The following GAK variants were observed in gnomAD, a reference collection of about 807,000 sequenced individuals.
GAK encodes the protein cyclin G associated kinase.
GAK carries 79 observed loss-of-function variants against 143.9 expected under a neutral mutation model. The observed-to-expected ratio is 0.55, with a 90% CI of 0.46 to 0.66. The LOEUF (loss-of-function observed/expected upper bound fraction) is 0.66. GAK is among the 30% of genes least tolerant of loss of function. The pLI is 0.00. For missense variants in GAK, 1,693 were observed against 1,779.7 expected (o/e 0.95, Z 0.88); for synonymous variants, 881 against 765.5 (o/e 1.15, Z -2.49).
chr4:861,374 G>A (rs1750245303), intron 23 of GAK, among the ~76,000 whole-genome samples: 3 of 152,186 alleles, frequency 2.0e-5, no homozygotes, highest in African/African-American at 7.2e-5. Context: ...GAGGGTGCTT[G>A]AGCCCAGGAG....
chr4:864,559 G>A (rs894435222), intron 23 of GAK, among the ~76,000 whole-genome samples: 3 of 152,186 alleles, frequency 2.0e-5, no homozygotes, highest in Non-Finnish European at 2.9e-5. Flanking sequence ...CGGGAGGGCC[G>A]GCTCCAGGGT....
chr4:918,718 C>G (rs948812149), intron 1 of GAK, among the ~76,000 whole-genome samples: 1 of 152,268 alleles, frequency 6.6e-6, no homozygotes, highest in African/African-American at 2.4e-5. Context: ...CTCTCATTTT[C>G]AGATGCCATG....
chr4:930,455 G>A (rs1028742442), intron 1 of GAK, among the ~76,000 whole-genome samples: 6 of 150,564 alleles, frequency 4.0e-5, no homozygotes, highest in Non-Finnish European at 5.9e-5. Flanking sequence ...CTTCCTCTCC[G>A]GGCCCCAGTG....
intron 11 of GAK, chr4:887,623 GC>G (rs1716747948): frequency 1.3e-5 from 2 of 148,740 alleles, no homozygotes; most frequent in Admixed American, 6.6e-5. Context: ...TCGCGCGCAT[GC>G]GTACACATGC....
chr4:891,592 A>C (rs1448932074), intron 9 of GAK, among the ~76,000 whole-genome samples: 1 of 152,020 alleles, frequency 6.6e-6, no homozygotes, highest in African/African-American at 2.4e-5. Flanking sequence ...CTCAGATGAG[A>C]AGCACTGAGG....
intron 12 of GAK, 97 bp downstream of exon 12, chr4:883,940 G>T: frequency 8.2e-7 from 1 of 1,212,940 alleles, no homozygotes; most frequent in Non-Finnish European, 1.2e-6. Context: ...AGAGAAGGCT[G>T]GAGCAGAGGC....
intron 1 of GAK, 56 bp downstream of exon 1, chr4:931,987 G>A (rs1725937350): frequency 1.0e-5 from 13 of 1,268,624 alleles, no homozygotes; most frequent in Non-Finnish European, 1.5e-5. Context: ...GCTGCCCCCA[G>A]CGTCCCGGAG....
At chr4:879,440 G>C (rs756176880) in intron 15 of GAK, among the ~76,000 whole-genome samples, 47 of 152,256 alleles carry the variant, frequency 3.1e-4, no homozygotes, top group Middle Eastern at 3.4e-3. Context: ...CTCTTGACAA[G>C]GTTTATGTTT....
chr4:867,120 G>A lies in GAK; in HGVS notation c.2708C>T (p.Ala903Val), dbSNP rs758405633. ...GAGCAGGTCGGTGTTGCTGGAGGGG[G>A]CCTTGCAGGCCTGCGGGGGTACAGC... Reference protein sequence around the residue: ...GPAVPPQACKAPSSNTDLLSC... With the variant: ...GPAVPPQACKVPSSNTDLLSC... Residue 903 changes from alanine (A) to valine (V), a missense_variant, in exon 21 of 28, where the codon GCC becomes GTC. Ala to Val is a moderately conservative substitution (Grantham distance 64). Around this residue, in one of 2 missense-constraint regions of GAK, gnomAD observed 822 missense variants for 788.7 expected, o/e 1.04. Coordinates refer to ENST00000314167, the MANE Select transcript of GAK (RefSeq NM_005255.4). 6.3e-7 allele frequency: 1 copy of A among 1,579,472 alleles called. No homozygotes were observed. Among genetic ancestry groups the A allele is most frequent in the South Asian group, 1.1e-5 (1 of 87,066 alleles).
intron 11 of GAK, chr4:886,545 G>A (rs527824451): frequency 6.6e-6 from 1 of 152,454 alleles, no homozygotes; most frequent in East Asian, 1.9e-4. Flanking sequence ...CTGCGGCCAT[G>A]GAGACCATTT....
chr4:854,767 T>C (rs570656675), intron 24 of GAK, among the ~76,000 whole-genome samples: 5 of 152,262 alleles, frequency 3.3e-5, no homozygotes, highest in Admixed American at 1.3e-4. Flanking sequence ...CAGGCATGGC[T>C]GGGTGCGGTG....
chr4:892,224 G>A (rs749391962), intron 9 of GAK, among the ~76,000 whole-genome samples: 5 of 152,180 alleles, frequency 3.3e-5, no homozygotes, highest in Admixed American at 6.5e-5. Flanking sequence ...GCCCCTGGAA[G>A]TTCCGGCTTC....
chr4:856,278 C>CCTG (rs1419952307), intron 24 of GAK, among the ~76,000 whole-genome samples: 9 of 129,308 alleles, frequency 7.0e-5, no homozygotes, highest in African/African-American at 3.0e-4. Flanking sequence ...ACTGCTCACA[C>CCTG]CTCACCACAG....
intron 18 of GAK, chr4:872,265 C>T (rs1006478970): frequency 6.6e-6 from 1 of 152,302 alleles, no homozygotes; most frequent in Non-Finnish European, 1.5e-5. Context: ...GGGTGGCCAA[C>T]CTCACGCAGA....
chr4:916,627 A>G (rs566546502), intron 1 of GAK, among the ~76,000 whole-genome samples: 1 of 152,232 alleles, frequency 6.6e-6, no homozygotes, highest in South Asian at 2.1e-4. Context: ...AGAGAAATGC[A>G]GACTTAAACC....
In GAK at chr4:893,443, C is replaced by T. The variant is rs144759809; in HGVS notation, c.924G>A (p.Glu308=). ...CGATCTCCTGCAGCTGGTGCACCAC[C>T]TCGGCGATGGACAGCCGCTCCTCCG... ...VNPEERLSIA[E]VVHQLQEIAA... Residue 308 remains glutamate (E), a synonymous_variant, in exon 9 of 28, where the codon GAG becomes GAA. Transcript: ENST00000314167. The T allele has an allele frequency of 1.4e-4, 223 of 1,594,350 alleles. No individual in the cohort carries two copies. In the African/African-American group the frequency reaches 2.9e-3, roughly 21 times the overall value.
chr4:876,814 A>G (rs1195830296), intron 17 of GAK, among the ~76,000 whole-genome samples: 3 of 152,174 alleles, frequency 2.0e-5, no homozygotes, highest in Non-Finnish European at 4.4e-5. Flanking sequence ...TGGGCCCACA[A>G]GCTGCTTCAC....
chr4:856,678 C>T (rs1431810348), intron 24 of GAK, among the ~76,000 whole-genome samples: 2 of 152,090 alleles, frequency 1.3e-5, no homozygotes, highest in East Asian at 1.9e-4. Flanking sequence ...CAGCTGCTCA[C>T]ACCTGCTCAC....
At chr4:875,466 C>G (rs553042781) in intron 18 of GAK, among the ~76,000 whole-genome samples, 2 of 152,238 alleles carry the variant, frequency 1.3e-5, no homozygotes, top group Non-Finnish European at 2.9e-5. Flanking sequence ...AGGCCAGCAC[C>G]CCTCCCAAGG....
Sources: allele counts gnomAD v4.1 joint callset (sites outside exome capture counted in the v4.1 genomes callset), GRCh38; gene constraint gnomAD v4.1.1; regional missense constraint gnomAD v4.1.1; transcripts MANE v1.5; gene names NCBI Gene and HGNC (gene_info 2026-07-23, HGNC 2026-07-21).